The following SATB2 variants were observed in gnomAD, a reference collection of about 807,000 sequenced individuals.
The protein encoded by SATB2 is SATB homeobox 2.
SATB2 carries 1 observed loss-of-function variant against 73.4 expected under a neutral mutation model. The observed-to-expected ratio is 0.01, with a 90% confidence interval of 0.00 to 0.06. The LOEUF (loss-of-function observed/expected upper bound fraction) is 0.06, where lower values mean the gene tolerates loss of function less well. SATB2 is among the 10% of genes least tolerant of loss of function. SATB2 has a pLI of 1.00. For missense variants in SATB2, 459 were observed against 945.8 expected, an observed-to-expected ratio of 0.49 and a Z score of 6.75; for synonymous variants, 397 against 367.0, an observed-to-expected ratio of 1.08 and a Z score of -0.93.
At chr2:199,398,809 GT>G (rs2105889653) in intron 3 of SATB2, among the ~76,000 whole-genome samples, 1 of 152,232 alleles carries the variant, frequency 6.6e-6, no homozygotes, top group African/African-American at 2.4e-5. Flanking sequence ...GATTCACCAG[GT>G]TTGACAAGTG....
intron 2 of SATB2, among the ~76,000 whole-genome samples, chr2:199,441,637 C>T (rs961611559): frequency 1.1e-4 from 16 of 152,220 alleles, no homozygotes; most frequent in Non-Finnish European, 1.9e-4. Flanking sequence ...GGAGAGTGGA[C>T]GCTAGTCCTC....
intron 3 of SATB2, among the ~76,000 whole-genome samples, chr2:199,399,539 G>A (rs1371535054): frequency 1.3e-5 from 2 of 152,136 alleles, no homozygotes; most frequent in African/African-American, 2.4e-5. Flanking sequence ...TTGCTACAAA[G>A]AAATACCTGA....
intron 7 of SATB2, 43 bp from the exon 8 acceptor site, chr2:199,328,953 G>GGTATATGTGTGTGGTTTC: frequency 1.3e-6 from 2 of 1,484,724 alleles, no homozygotes; most frequent in East Asian, 4.5e-5. Context: ...CACATTTGCA[G>GGTATATGTGTGTGGTTTC]GTATATGTGT....
In SATB2 at chr2:199,405,289, T is replaced by C. The variant is rs2105896794; in HGVS notation, c.347-23469A>G. Among the ~76,000 whole-genome samples, 3 of 152,298 alleles carry C rather than the reference T, an allele frequency of 2.0e-5. No individual in the cohort carries two copies. The East Asian group carries it at 5.8e-4, about 29-fold the overall frequency. On this transcript the variant is annotated intron_variant, in intron 3 of 10. Transcript: ENST00000417098. ...CAGAAAGAGCTCTGCATAATATTGG[T>C]TTCATCAGACATAATAGAAGCCAAT...
At chr2:199,418,980 G>A (rs1383148595) in intron 3 of SATB2, among the ~76,000 whole-genome samples, 1 of 152,136 alleles carries the variant, frequency 6.6e-6, no homozygotes, top group African/African-American at 2.4e-5. Context: ...CATCACTGCA[G>A]AGCAAAACCA....
Position 199,272,275 on chromosome 2 carries a change from A to G in SATB2, c.2138T>C (p.Val713Ala). 6.2e-7 allele frequency: 1 copy of G among 1,614,068 alleles called. No individual in the cohort carries two copies. Among genetic ancestry groups the G allele is most frequent in the Non-Finnish European group, 8.5e-7 (1 of 1,180,002 alleles). ...GTCAGCATTTTCCTCCTCAGCCTCC[A>G]CTTTGTACATCTCCTCGGAGCCTTC... ...SEEGSEEMYK[V>A]EAEEENADKS... The change falls in exon 11 of 11, where the codon GTG becomes GCG. Residue 713 changes from valine (V) to alanine (A), a missense_variant. Transcript: ENST00000417098. The surrounding 1 kb of genome is among the most constrained non-coding windows in gnomAD (Gnocchi z 6.7).
chr2:199,368,550 A>T, intron 6 of SATB2, 55 bp downstream of exon 6: 1 of 1,017,018 alleles, frequency 9.8e-7, no homozygotes, highest in Non-Finnish European at 1.6e-6. Flanking sequence ...ACAACCAACA[A>T]CTCATGAACC....
intron 9 of SATB2, among the ~76,000 whole-genome samples, chr2:199,314,177 G>A (rs937323007): frequency 1.3e-5 from 2 of 152,142 alleles, no homozygotes; most frequent in African/African-American, 4.8e-5. Flanking sequence ...GCTTCTTGAT[G>A]GGAGTGGAGG....
At chr2:199,427,243 T>C (rs1691363936) in intron 3 of SATB2, among the ~76,000 whole-genome samples, 1 of 152,116 alleles carries the variant, frequency 6.6e-6, no homozygotes, top group African/African-American at 2.4e-5. Flanking sequence ...TCATTAAGTT[T>C]AGCAAACAAA....
At chr2:199,430,146 T>C (rs777780052) in intron 3 of SATB2, among the ~76,000 whole-genome samples, 1 of 152,008 alleles carries the variant, frequency 6.6e-6, no homozygotes, top group Non-Finnish European at 1.5e-5. Flanking sequence ...GGGAGCTCCA[T>C]GGCTACTGCC....
At chr2:199,412,940 G>C (rs1690866729) in intron 3 of SATB2, among the ~76,000 whole-genome samples, 1 of 152,132 alleles carries the variant, frequency 6.6e-6, no homozygotes, top group African/African-American at 2.4e-5. Context: ...CAGGGGCTTA[G>C]GGATGAATCT....
chr2:199,408,844 A>G (rs1690718350), intron 3 of SATB2, among the ~76,000 whole-genome samples: 5 of 152,222 alleles, frequency 3.3e-5, no homozygotes, highest in Admixed American at 3.3e-4. Flanking sequence ...CTCACCAAAA[A>G]GTGAGCTCCT....
Position 199,272,663 on chromosome 2 carries a change from T to G in SATB2, c.1750A>C (p.Arg584=). The change falls in exon 11 of 11, where the codon AGA becomes CGA. Residue 584 remains arginine (R), a synonymous_variant. Transcript: ENST00000417098. The surrounding 1 kb of genome is among the most constrained non-coding windows in gnomAD (Gnocchi z 6.7). The part of the protein sequence containing the change: ...LPPEPVQVLH[R]QQSQPAKESS... ...TCCTTGGCTGGCTGAGACTGCTGTCTATGAAGTACCTGATAATTAAGAGAG... is the reference window on the plus strand; with the variant it reads ...TCCTTGGCTGGCTGAGACTGCTGTCGATGAAGTACCTGATAATTAAGAGAG... The G allele has an allele frequency of 6.2e-7, 1 of 1,613,988 alleles. No homozygotes were observed. The highest frequency in any genetic ancestry group is 8.5e-7 in the Non-Finnish European group (1 of 1,179,886).
At chr2:199,456,339 C>G (rs969300745) in intron 1 of SATB2, among the ~76,000 whole-genome samples, 2 of 152,218 alleles carry the variant, frequency 1.3e-5, no homozygotes, top group African/African-American at 4.8e-5. Flanking sequence ...AGTCAGCCCT[C>G]GGGGTCGCGG....
intron 3 of SATB2, among the ~76,000 whole-genome samples, chr2:199,418,662 T>G (rs1003513537): frequency 6.6e-6 from 1 of 152,222 alleles, no homozygotes; most frequent in Non-Finnish European, 1.5e-5. Flanking sequence ...ATTTTAACTC[T>G]TATTAAATAA....
At chr2:199,334,901 C>T (rs1333446097) in intron 7 of SATB2, among the ~76,000 whole-genome samples, 1 of 152,104 alleles carries the variant, frequency 6.6e-6, no homozygotes, top group Non-Finnish European at 1.5e-5. Context: ...CTTCTAGATA[C>T]TCATGAGAGG....
intron 10 of SATB2, among the ~76,000 whole-genome samples, chr2:199,302,251 T>C (rs1687307992): frequency 6.6e-6 from 1 of 152,174 alleles, no homozygotes; most frequent in African/African-American, 2.4e-5. Flanking sequence ...AAAGGAAACC[T>C]GTTCAGTACA....
At chr2:199,381,652 A>G (rs1442068911) in intron 4 of SATB2, 42 bp downstream of exon 4, 1 of 1,612,522 alleles carries the variant, frequency 6.2e-7, no homozygotes, top group Non-Finnish European at 8.5e-7. Context: ...TTGACGGAGC[A>G]GCTCTGACAG....
rs1692146335 is a variant in SATB2, at chr2:199,271,235, C to CAATGTCAA, written c.*968_*975dup. 1 of 152,706 alleles carries CAATGTCAA rather than the reference C, an allele frequency of 6.5e-6. No individual in the cohort carries two copies. The highest frequency in any genetic ancestry group is 1.5e-5 in the Non-Finnish European group (1 of 68,022). 9.5% of individuals were successfully genotyped at this position (152,706 alleles called of 1,614,324 possible). A position where few individuals can be genotyped will look rare whatever the true frequency, so the allele number is the denominator to read the frequency against. ...GCTCATACTATGAATTCCATATGTCCAATGTCAAAATGTCATTTGATCAAG... is the reference window on the plus strand; with the variant it reads ...GCTCATACTATGAATTCCATATGTCCAATGTCAAAATGTCAAAATGTCATTTGATCAAG... On this transcript the variant is annotated 3_prime_UTR_variant, in exon 11 of 11. Coordinates refer to ENST00000417098, the MANE Select transcript of SATB2 (RefSeq NM_001172509.2).
Sources: allele counts gnomAD v4.1 joint callset (sites outside exome capture counted in the v4.1 genomes callset), GRCh38; gene constraint gnomAD v4.1.1; non-coding constraint Gnocchi (gnomAD v3.1); transcripts MANE v1.5; gene names NCBI Gene and HGNC (gene_info 2026-07-23, HGNC 2026-07-21).